INSL6: variants seen among roughly 807,000 people sequenced by gnomAD.
INSL6 encodes insulin-like peptide INSL6.
In INSL6, 16 loss-of-function variants were observed where a neutral mutation model predicts 9.4. The observed-to-expected ratio is 1.70, with a 90% confidence interval of 1.15 to 2.59. The LOEUF is 2.59. Ranked by LOEUF, INSL6 falls within the 30% of genes most tolerant of loss-of-function variation. INSL6 has a pLI of 0.00. For synonymous variants in INSL6, 154 were observed against 96.9 expected (o/e 1.59, Z -3.46); for missense variants, 391 against 257.3 (o/e 1.52, Z -3.56).
At chr9:5,014,162 T>C in the INSL6 span, among the ~76,000 whole-genome samples, 2 of 150,882 alleles carry the variant, frequency 1.3e-5, no homozygotes, top group African/African-American at 2.4e-5. Flanking sequence ...TATTTACTCT[T>C]TCTTTTTTTT....
chr9:5,069,204 A>G, the INSL6 span: 3 of 1,596,028 alleles, frequency 1.9e-6, no homozygotes, highest in East Asian at 2.2e-5. Context: ...CCCCAAAGCC[A>G]AAAGGTAAGA....
chr9:5,064,525 CAAAA>C, the INSL6 span, among the ~76,000 whole-genome samples: 1 of 84,684 alleles, frequency 1.2e-5, no homozygotes. Context: ...GCAAGACTCT[CAAAA>C]AAAAAAAAAA....
the INSL6 span, among the ~76,000 whole-genome samples, chr9:5,081,524 T>A: frequency 6.6e-6 from 1 of 152,168 alleles, no homozygotes; most frequent in Non-Finnish European, 1.5e-5. Flanking sequence ...ATTTTATCCT[T>A]TGCAAAGTCT....
At chr9:5,150,885 T>C (rs1446411969) in intron 2 of INSL6, among the ~76,000 whole-genome samples, 1 of 146,252 alleles carries the variant, frequency 6.8e-6, no homozygotes, top group Non-Finnish European at 1.5e-5. Flanking sequence ...ACACACATCA[T>C]GGAATACTAC....
the INSL6 span, among the ~76,000 whole-genome samples, chr9:5,062,051 C>A: frequency 5.3e-5 from 8 of 152,108 alleles, no homozygotes; most frequent in Admixed American, 4.6e-4. Flanking sequence ...TTATATAGGC[C>A]CAGTGTGTGG....
chr9:5,103,221 CAAAAAAAAAAAAAAAAAAAAA>C, the INSL6 span, among the ~76,000 whole-genome samples: 64 of 6,886 alleles, frequency 9.3e-3, no homozygotes, highest in East Asian at 0.2. Context: ...AAAGGGAAAG[CAAAAAAAAAAAAAAAAAAAAA>C]AAAAAAAAAA....
rs575569306 is a variant in INSL6 at position 5,168,737 on chromosome 9, A to G, written c.290-4472T>C. On this transcript the variant is annotated intron_variant, in intron 1 of 1. Transcript: ENST00000381641. Reference sequence around the variant, plus strand: ...AATTCAGGAAATCCAGAGAACCCCAATAAGATACTTCATGAGAAGATCAGC... The same window carrying G: ...AATTCAGGAAATCCAGAGAACCCCAGTAAGATACTTCATGAGAAGATCAGC... Among the ~76,000 whole-genome samples, 3 of 152,280 alleles carry G rather than the reference A, an allele frequency of 2.0e-5. No individual in the cohort carries two copies. In the East Asian group the frequency reaches 5.8e-4, roughly 29 times the overall value.
the INSL6 span, chr9:5,022,028 C>T: frequency 1.4e-5 from 23 of 1,613,974 alleles, 1 homozygote; most frequent in South Asian, 2.0e-4. Flanking sequence ...ATGGAGGGAA[C>T]ATCCACCTCT....
chr9:5,013,494 A>T, the INSL6 span, among the ~76,000 whole-genome samples: 1 of 152,196 alleles, frequency 6.6e-6, no homozygotes, highest in Admixed American at 6.5e-5. Context: ...GCCTTTTGGG[A>T]CATTTCTGTG....
chr9:5,149,458 A>C (rs779426787), intron 2 of INSL6, among the ~76,000 whole-genome samples: 6 of 152,190 alleles, frequency 3.9e-5, no homozygotes, highest in Non-Finnish European at 7.3e-5. Context: ...ATAATGATCA[A>C]GCTGAAAACC....
Position 5,138,715 on chromosome 9 carries a change from G to C in INSL6, c.377-5123C>G, listed in dbSNP as rs1249662556. 2.7e-5 allele frequency among the ~76,000 whole-genome samples: 3 copies of C among 112,062 alleles called. No individual in the cohort carries two copies. The East Asian group carries it at 8.6e-4, about 32-fold the overall frequency. 73.5% of individuals were successfully genotyped at this position (112,062 alleles called of 152,430 possible). The stretch of plus-strand genomic sequence containing the variant: ...CTGCACTTTCGGTACATGTACCCCA[G>C]AACTTAAACTATAATAAAAAAAAAT... On this transcript the variant is annotated intron_variant, in intron 2 of 3. Coordinates refer to the INSL6 transcript ENST00000649639.
chr9:5,069,930 T>C, the INSL6 span: 1 of 1,593,028 alleles, frequency 6.3e-7, no homozygotes, highest in Non-Finnish European at 8.6e-7. Context: ...TTCAGATAAA[T>C]CAAACCTTCT....
chr9:5,173,675 G>A (rs184629810), intron 1 of INSL6, among the ~76,000 whole-genome samples: 51 of 152,096 alleles, frequency 3.4e-4, no homozygotes, highest in Middle Eastern at 6.8e-3. Flanking sequence ...TTAATGCCTA[G>A]GTGATGGGTT....
At chr9:5,069,141 G>A in the INSL6 span, 31 of 1,613,148 alleles carry the variant, frequency 1.9e-5, no homozygotes, top group Non-Finnish European at 2.5e-5. Context: ...ATTGTTACCA[G>A]ATGGAAACTG....
intron 2 of INSL6, among the ~76,000 whole-genome samples, chr9:5,148,988 G>A (rs1824657625): frequency 6.6e-6 from 1 of 152,208 alleles, no homozygotes; most frequent in African/African-American, 2.4e-5. Flanking sequence ...GTTAGCTGGG[G>A]CCAGAGTCTC....
the INSL6 span, among the ~76,000 whole-genome samples, chr9:5,116,210 C>T: frequency 1.5e-4 from 23 of 151,968 alleles, no homozygotes; most frequent in Non-Finnish European, 3.2e-4. Flanking sequence ...AATAGCTTAC[C>T]CAAGGTGGCA....
the INSL6 span, chr9:5,114,566 G>C: frequency 8.2e-6 from 4 of 489,698 alleles, no homozygotes; most frequent in African/African-American, 2.0e-5. Flanking sequence ...GCCTGATCCA[G>C]AACTTCTGGC....
intron 1 of INSL6, among the ~76,000 whole-genome samples, chr9:5,171,729 C>G (rs1013410555): frequency 4.6e-5 from 7 of 152,130 alleles, no homozygotes; most frequent in African/African-American, 1.2e-4. Flanking sequence ...TATGAATGAA[C>G]TCCTATTCAC....
the INSL6 span, among the ~76,000 whole-genome samples, chr9:5,038,547 A>T: frequency 3.9e-5 from 6 of 152,092 alleles, no homozygotes; most frequent in African/African-American, 1.4e-4. Flanking sequence ...ATACAGCTTG[A>T]ATATGTCTTA....
Sources: gnomAD v4.1 joint callset for allele counts (sites outside exome capture counted in the v4.1 genomes callset) on GRCh38, gnomAD v4.1.1 for gene constraint, MANE v1.5 for transcripts, NCBI Gene and HGNC (gene_info 2026-07-23, HGNC 2026-07-21) for gene names.